The following SLC17A8 variants were observed in gnomAD, a reference collection of about 807,000 sequenced individuals.
The protein encoded by SLC17A8 is vesicular glutamate transporter 3.
In SLC17A8, 31 loss-of-function variants were observed where a neutral mutation model predicts 58.0. The ratio of observed to expected loss-of-function variants is 0.53; its 90% CI spans 0.40 to 0.72. The LOEUF (loss-of-function observed/expected upper bound fraction) is 0.72. SLC17A8 is among the 30% of genes least tolerant of loss of function. The pLI, the probability that SLC17A8 is intolerant of heterozygous loss-of-function variation, is 0.00. For missense variants in SLC17A8, 655 were observed against 727.8 expected, an observed-to-expected ratio of 0.90 and a Z score of 1.15; for synonymous variants, 228 against 249.0, an observed-to-expected ratio of 0.92 and a Z score of 0.79.
At chr12:100,388,157 C>A (rs1952689536) in intron 2 of SLC17A8, among the ~76,000 whole-genome samples, 1 of 152,184 alleles carries the variant, frequency 6.6e-6, no homozygotes, top group African/African-American at 2.4e-5. Flanking sequence ...CTCAAATGAC[C>A]ATATGACTTG....
intron 1 of SLC17A8, among the ~76,000 whole-genome samples, chr12:100,375,867 C>A (rs1230959952): frequency 6.6e-6 from 1 of 152,210 alleles, no homozygotes; most frequent in East Asian, 1.9e-4. Context: ...GATAGGGATT[C>A]TTATGGGCTG....
At position 100,407,122 on chromosome 12, in the gene SLC17A8, A is replaced by G. The variant is rs1019644289; in HGVS notation, c.1186+2952A>G. Among the ~76,000 whole-genome samples the G allele has an allele frequency of 3.3e-5, 5 of 152,354 alleles. No individual in the cohort carries two copies. In the East Asian group the frequency reaches 9.6e-4, roughly 29 times the overall value. On this transcript the variant is annotated intron_variant, in intron 9 of 11. Transcript: ENST00000323346. ...GTGTTCAACCTATAAAAAGTTCTCAACAAATGTTAATGCTGCTTTTTTTCT... is the reference window on the plus strand; with the variant it reads ...GTGTTCAACCTATAAAAAGTTCTCAGCAAATGTTAATGCTGCTTTTTTTCT...
intron 2 of SLC17A8, among the ~76,000 whole-genome samples, chr12:100,385,074 T>A (rs1466501840): frequency 6.6e-6 from 1 of 151,596 alleles, no homozygotes. Flanking sequence ...ATTGTCTAAC[T>A]AGAATCTCTG....
chr12:100,404,251 G>T, intron 9 of SLC17A8, 81 bp downstream of exon 9: 3 of 1,573,088 alleles, frequency 1.9e-6, no homozygotes, highest in Non-Finnish European at 2.6e-6. Context: ...ATTAAGAAGT[G>T]ACATTTAGTC....
Position 100,400,998 on chromosome 12 carries a change from C to CTTTT in SLC17A8, c.677-761_677-758dup, listed in dbSNP as rs4015907. On this transcript the variant is annotated intron_variant, in intron 5 of 11. Transcript: ENST00000323346. Reference sequence around the variant, plus strand: ...TGGAATTTAATTGTTCACCCCTCACCTTTTTTTTTTTTTTTTTTTTTGATA... The same window carrying CTTTT: ...TGGAATTTAATTGTTCACCCCTCACCTTTTTTTTTTTTTTTTTTTTTTTTTGATA... 1.2e-3 allele frequency among the ~76,000 whole-genome samples: 137 copies of CTTTT among 113,074 alleles called. 4 individuals are homozygous for CTTTT. Among genetic ancestry groups the CTTTT allele is most frequent in the South Asian group, 3.8e-3 (12 of 3,168 alleles). 74.2% of individuals were successfully genotyped at this position (113,074 alleles called of 152,430 possible). A position where few individuals can be genotyped will look rare whatever the true frequency, so the allele number is the denominator to read the frequency against.
At chr12:100,387,284 T>C (rs1952682697) in intron 2 of SLC17A8, among the ~76,000 whole-genome samples, 1 of 152,204 alleles carries the variant, frequency 6.6e-6, no homozygotes, top group African/African-American at 2.4e-5. Flanking sequence ...TTTTTGATAA[T>C]GGTCATCCTA....
intron 6 of SLC17A8, 24 bp downstream of exon 6, chr12:100,401,887 T>G: frequency 6.4e-7 from 1 of 1,561,938 alleles, no homozygotes; most frequent in Non-Finnish European, 8.8e-7. Flanking sequence ...CTTCACAAGT[T>G]CACATGTGAC....
At chr12:100,413,378 A>AG (rs1394427355) in intron 10 of SLC17A8, among the ~76,000 whole-genome samples, 4 of 152,122 alleles carry the variant, frequency 2.6e-5, no homozygotes, top group Non-Finnish European at 5.9e-5. Flanking sequence ...GGGTCCATAG[A>AG]GGGGAAGTGA....
intron 1 of SLC17A8, among the ~76,000 whole-genome samples, chr12:100,360,380 C>T (rs1450879474): frequency 6.6e-6 from 1 of 152,200 alleles, no homozygotes; most frequent in African/African-American, 2.4e-5. Flanking sequence ...CTTTCAGACA[C>T]TGTAAACTCA....
Position 100,419,915 on chromosome 12 carries a change from G to A in SLC17A8, c.1526G>A (p.Trp509Ter). The change falls in exon 12 of 12, where the codon TGG becomes TAG. Residue 509 changes from tryptophan (W) to a stop codon, truncating the protein, a stop_gained. Transcript: ENST00000323346. LOFTEE classifies it high-confidence loss of function. ...TTTGCTTCTGGGGAGAAACAGGAGTGGGCTGACCCAGAGAATCTCTCTGAG... is the reference window on the plus strand; with the variant it reads ...TTTGCTTCTGGGGAGAAACAGGAGTAGGCTGACCCAGAGAATCTCTCTGAG... ...GVFASGEKQE[W>*]ADPENLSEEK... The A allele has an allele frequency of 6.2e-7, 1 of 1,614,052 alleles. No individual in the cohort carries two copies. Among genetic ancestry groups the A allele is most frequent in the Non-Finnish European group, 8.5e-7 (1 of 1,180,036 alleles).
At chr12:100,368,011 T>C (rs1033451596) in intron 1 of SLC17A8, among the ~76,000 whole-genome samples, 4 of 152,232 alleles carry the variant, frequency 2.6e-5, no homozygotes, top group Non-Finnish European at 5.9e-5. Flanking sequence ...GTATTAGCAG[T>C]TTATCAGGAT....
At chr12:100,383,157 C>A (rs1162188888) in intron 2 of SLC17A8, among the ~76,000 whole-genome samples, 2 of 152,160 alleles carry the variant, frequency 1.3e-5, no homozygotes, top group African/African-American at 2.4e-5. Context: ...TGCTGAGGCC[C>A]AGATCAAAAT....
In SLC17A8 at chr12:100,401,848, G is replaced by A; in HGVS notation, c.748G>A (p.Val250Ile). 1 of 1,613,764 alleles carries A rather than the reference G, an allele frequency of 6.2e-7. No homozygotes were observed. Among genetic ancestry groups the A allele is most frequent in the Non-Finnish European group, 8.5e-7 (1 of 1,179,748 alleles). ...GGTGCAGTACATTGGATGGTCCTCT[G>A]TCTTTTATATTTATGGTGAGTGATT... ...VLVQYIGWSS[V>I]FYIYGMFGII... The change falls in exon 6 of 12, where the codon GTC becomes ATC. Residue 250 changes from valine (V) to isoleucine (I), a missense_variant. Coordinates refer to ENST00000323346, the MANE Select transcript of SLC17A8 (RefSeq NM_139319.3).
In SLC17A8 at chr12:100,408,084, T is replaced by G. The variant is rs558047194; in HGVS notation, c.1186+3914T>G. On this transcript the variant is annotated intron_variant, in intron 9 of 11. Coordinates refer to ENST00000323346, the MANE Select transcript of SLC17A8 (RefSeq NM_139319.3). ...AGAATGCAGGTTGATTTGGAAATGA[T>G]GAAGCACTGGTATGATCTTCCAGAG... Among the ~76,000 whole-genome samples, 6 of 152,360 alleles carry G rather than the reference T, an allele frequency of 3.9e-5. 1 individual carries two copies. The highest frequency in any genetic ancestry group is 1.4e-4 in the African/African-American group (6 of 41,594).
chr12:100,402,504 A>T (rs1381283471), intron 7 of SLC17A8, 25 bp downstream of exon 7: 1 of 1,613,886 alleles, frequency 6.2e-7, no homozygotes, highest in South Asian at 1.1e-5. Context: ...TCAGATGAAG[A>T]CTTACCTTTT....
intron 1 of SLC17A8, among the ~76,000 whole-genome samples, chr12:100,375,414 A>G (rs902372193): frequency 2.0e-5 from 3 of 152,118 alleles, no homozygotes; most frequent in African/African-American, 7.2e-5. Context: ...CTATATTACA[A>G]TACTGGGACA....
intron 1 of SLC17A8, among the ~76,000 whole-genome samples, chr12:100,369,202 G>C (rs1290462204): frequency 1.3e-5 from 2 of 152,170 alleles, no homozygotes; most frequent in East Asian, 3.8e-4. Flanking sequence ...CTTGAACCCA[G>C]GAGGCAGACG....
rs1049641754 is a variant in SLC17A8 at position 100,420,919 on chromosome 12, C to A, written c.*760C>A. On this transcript the variant is annotated 3_prime_UTR_variant, in exon 12 of 12. Transcript: ENST00000323346. ...ATGTGTGAGAGGCTAGATTCAAAGACCCTCAGTGTTCTATGTTATCTGAAG... is the reference window on the plus strand; with the variant it reads ...ATGTGTGAGAGGCTAGATTCAAAGAACCTCAGTGTTCTATGTTATCTGAAG... 2 of 152,144 alleles carry A rather than the reference C, an allele frequency of 1.3e-5. No individual in the cohort carries two copies. The highest frequency in any genetic ancestry group is 4.8e-5 in the African/African-American group (2 of 41,418). 9.4% of individuals were successfully genotyped at this position (152,144 alleles called of 1,614,324 possible).
chr12:100,363,352 A>G (rs935628639), intron 1 of SLC17A8, among the ~76,000 whole-genome samples: 5 of 152,208 alleles, frequency 3.3e-5, no homozygotes, highest in Admixed American at 2.0e-4. Flanking sequence ...ACACAGCACC[A>G]TATCATAACT....
Sources: allele counts gnomAD v4.1 joint callset (sites outside exome capture counted in the v4.1 genomes callset), GRCh38; gene constraint gnomAD v4.1.1; transcripts MANE v1.5; gene names NCBI Gene and HGNC (gene_info 2026-07-23, HGNC 2026-07-21).